DLD: variants seen among roughly 807,000 people sequenced by gnomAD.
The protein encoded by DLD is dihydrolipoamide dehydrogenase.
In DLD, 36 loss-of-function variants were observed where a neutral mutation model predicts 62.2. The observed-to-expected ratio is 0.58, with a 90% CI of 0.44 to 0.76. DLD has a LOEUF of 0.76. DLD is among the 30% of genes least tolerant of loss of function. The probability of loss-of-function intolerance (pLI) is 0.00; values close to 1 mark genes in which losing one functional copy is unlikely to be tolerated. For missense variants in DLD, 541 were observed against 608.6 expected (o/e 0.89, Z 1.17); for synonymous variants, 204 against 199.6 (o/e 1.02, Z -0.19).
At chr7:107,902,451 G>C in intron 4 of DLD, 58 bp downstream of exon 4, 1 of 1,405,838 alleles carries the variant, frequency 7.1e-7, no homozygotes, top group Non-Finnish European at 1.0e-6. Flanking sequence ...CAACTAGAAG[G>C]ATGGATTGAG....
At position 107,915,665 on chromosome 7, in the gene DLD, A is replaced by C; in HGVS notation, c.844A>C (p.Thr282Pro). 6.2e-7 allele frequency: 1 copy of C among 1,613,798 alleles called. No individual in the cohort carries two copies. Among genetic ancestry groups the C allele is most frequent in the South Asian group, 1.1e-5 (1 of 91,078 alleles). ...FKLNTKVTGA[T>P]KKSDGKIDVS... The stretch of plus-strand genomic sequence containing the variant: ...ATTGAATACAAAGGTTACTGGTGCT[A>C]CCAAGAAGTCAGATGGAAAAATTGA... The change falls in exon 9 of 14, where the codon ACC becomes CCC. Residue 282 changes from threonine (T) to proline (P), a missense_variant. Physicochemically the swap from Thr to Pro is conservative, Grantham distance 38. Coordinates refer to ENST00000205402, the MANE Select transcript of DLD (RefSeq NM_000108.5).
intron 2 of DLD, among the ~76,000 whole-genome samples, chr7:107,898,478 A>G (rs2031791368): frequency 6.7e-6 from 1 of 149,286 alleles, no homozygotes; most frequent in South Asian, 2.1e-4. Flanking sequence ...ACAGGGTTTC[A>G]CCATGTTAGT....
In DLD at chr7:107,891,203, G is replaced by T. The variant is rs555589405; in HGVS notation, c.-48G>T. 2 of 1,611,842 alleles carry T rather than the reference G, an allele frequency of 1.2e-6. No individual in the cohort carries two copies. Among genetic ancestry groups the T allele is most frequent in the South Asian group, 2.2e-5 (2 of 90,958 alleles). On this transcript the variant is annotated 5_prime_UTR_variant, in exon 1 of 14. Transcript: ENST00000205402. Reference sequence around the variant, plus strand: ...GAGACCTTGGCGGAGCGGCGGAGGCGCCCAGCGGAGGTGAAAGTATTGGCG... The same window carrying T: ...GAGACCTTGGCGGAGCGGCGGAGGCTCCCAGCGGAGGTGAAAGTATTGGCG...
intron 4 of DLD, among the ~76,000 whole-genome samples, chr7:107,903,153 C>T (rs910398441): frequency 6.6e-6 from 1 of 152,096 alleles, no homozygotes; most frequent in African/African-American, 2.4e-5. Context: ...AATCCCAGCA[C>T]TTTGGGAGGC....
Position 107,920,959 on chromosome 7 carries a change from T to C in DLD, c.*1700T>C, listed in dbSNP as rs1416283981. 1.3e-5 allele frequency: 2 copies of C among 152,378 alleles called. No individual in the cohort carries two copies. The highest frequency in any genetic ancestry group is 2.9e-5 in the Non-Finnish European group (2 of 68,044). 9.4% of individuals were successfully genotyped at this position (152,378 alleles called of 1,614,324 possible). On this transcript the variant is annotated 3_prime_UTR_variant, in exon 14 of 14. Transcript: ENST00000205402. ...CTTTGCCATTATTGGAAGTGAACTC[T>C]GCATCTTTTTAAAAATTTGAAATCC...
At chr7:107,891,765 G>A (rs943433473) in intron 1 of DLD, among the ~76,000 whole-genome samples, 12 of 152,240 alleles carry the variant, frequency 7.9e-5, no homozygotes, top group Non-Finnish European at 1.5e-4. Context: ...AGCTCCAACA[G>A]ATAGCCCTCG....
chr7:107,917,370 G>C lies in DLD; in HGVS notation c.1144G>C (p.Val382Leu). The change falls in exon 11 of 14, where the codon GTG becomes CTG. Residue 382 changes from valine (V) to leucine (L), a missense_variant. Physicochemically the swap from Val to Leu is conservative, Grantham distance 32. Transcript: ENST00000205402. ...ICVEGMAGGAVHIDYNCVPSV... is the reference protein window; with the variant it reads ...ICVEGMAGGALHIDYNCVPSV... ...TGTTGAAGGAATGGCTGGTGGTGCT[G>C]TGCACATTGACTACAATTGTGTGCC... 1.9e-6 allele frequency: 3 copies of C among 1,614,162 alleles called. No homozygotes were observed. The highest frequency in any genetic ancestry group is 2.5e-6 in the Non-Finnish European group (3 of 1,180,022).
intron 11 of DLD, 142 bp from the exon 12 acceptor site, chr7:107,917,782 T>C: frequency 9.5e-7 from 1 of 1,047,386 alleles, no homozygotes; most frequent in Non-Finnish European, 1.4e-6. Context: ...TAACCAGTCT[T>C]CTGGTCTTTC....
chr7:107,903,400 T>C, intron 4 of DLD, 78 bp from the exon 5 acceptor site: 2 of 934,422 alleles, frequency 2.1e-6, no homozygotes, highest in Non-Finnish European at 3.4e-6. Flanking sequence ...AGAAAGACTA[T>C]CATTTCATAA....
intron 2 of DLD, among the ~76,000 whole-genome samples, chr7:107,900,042 T>A (rs1222784076): frequency 6.6e-6 from 1 of 152,068 alleles, no homozygotes; most frequent in Non-Finnish European, 1.5e-5. Flanking sequence ...CCAAGCAGGG[T>A]GGCTAAAAAG....
Position 107,904,963 on chromosome 7 carries a change from G to A in DLD, c.343G>A (p.Glu115Lys), listed in dbSNP as rs1406938872. The change falls in exon 6 of 14, where the codon GAA (glutamate) becomes AAA (lysine). Residue 115 changes from glutamate to lysine, a missense_variant. Physicochemically the swap from Glu to Lys is moderately conservative, Grantham distance 56. Transcript: ENST00000205402. ...DFASRGIEMS[E>K]VRLNLDKMME... is the part of the protein sequence containing the mutation. ...ATTAATTGAACAAATTACAGTGTCC[G>A]AAGTTCGCTTGAATTTAGACAAGAT... is the stretch of plus-strand genomic sequence containing the variant. The A allele has an allele frequency of 1.9e-6, 3 of 1,611,662 alleles. No individual in the cohort carries two copies. Among genetic ancestry groups the A allele is most frequent in the East Asian group, 2.2e-5 (1 of 44,778 alleles).
At chr7:107,891,847 G>A (rs1429711685) in intron 1 of DLD, among the ~76,000 whole-genome samples, 1 of 152,120 alleles carries the variant, frequency 6.6e-6, no homozygotes, top group East Asian at 1.9e-4. Flanking sequence ...ACGACTTCCT[G>A]GAGGCTTAAA....
chr7:107,909,696 A>G (rs2032092570), intron 8 of DLD, among the ~76,000 whole-genome samples: 1 of 152,126 alleles, frequency 6.6e-6, no homozygotes, highest in African/African-American at 2.4e-5. Context: ...ATTTAGCAGA[A>G]TCTCTTCTTT....
At chr7:107,902,297 A>G in intron 3 of DLD, 28 bp from the exon 4 acceptor site, 2 of 1,586,644 alleles carry the variant, frequency 1.3e-6, no homozygotes, top group East Asian at 2.2e-5. Context: ...GGTTATGTGC[A>G]GTTAAATAAT....
chr7:107,915,485 G>GTT (rs759170630), intron 8 of DLD, 21 bp from the exon 9 acceptor site: 1 of 1,612,488 alleles, frequency 6.2e-7, no homozygotes, highest in African/African-American at 1.3e-5. Flanking sequence ...TGATTATTGG[G>GTT]TTTTTTTAAT....
At chr7:107,910,652 C>A (rs1053863256) in intron 8 of DLD, among the ~76,000 whole-genome samples, 1 of 152,162 alleles carries the variant, frequency 6.6e-6, no homozygotes, top group African/African-American at 2.4e-5. Context: ...TAATGAGCCA[C>A]TCTGAACCAG....
At chr7:107,891,954 A>G (rs1366483497) in intron 1 of DLD, among the ~76,000 whole-genome samples, 1 of 152,204 alleles carries the variant, frequency 6.6e-6, no homozygotes, top group Non-Finnish European at 1.5e-5. Flanking sequence ...GCTGGGTACT[A>G]TGTTAGTGGA....
intron 1 of DLD, 31 bp downstream of exon 1, chr7:107,891,320 G>A (rs1469426850): frequency 6.2e-7 from 1 of 1,613,768 alleles, no homozygotes; most frequent in Admixed American, 1.7e-5. Flanking sequence ...GTCGTGTTGA[G>A]CCAGAGGCAC....
chr7:107,905,329 C>T, intron 6 of DLD, 32 bp from the exon 7 acceptor site: 1 of 1,588,152 alleles, frequency 6.3e-7, no homozygotes, highest in South Asian at 1.1e-5. Flanking sequence ...TTACTTTAAA[C>T]TTTGTGAATT....
Sources: gnomAD v4.1 joint callset for allele counts (sites outside exome capture counted in the v4.1 genomes callset) on GRCh38, gnomAD v4.1.1 for gene constraint, MANE v1.5 for transcripts, NCBI Gene and HGNC (gene_info 2026-07-23, HGNC 2026-07-21) for gene names.